AFG2A: variants seen among roughly 807,000 people sequenced by gnomAD.
AFG2A encodes ATPase family gene 2 protein homolog A.
the AFG2A span, among the ~76,000 whole-genome samples, chr4:123,304,096 C>T: frequency 6.6e-6 from 1 of 151,958 alleles, no homozygotes; most frequent in Non-Finnish European, 1.5e-5. Context: ...CTTGCTTTAC[C>T]TCTGAATTCC....
the AFG2A span, among the ~76,000 whole-genome samples, chr4:123,132,938 G>A: frequency 0.61 from 92,416 of 151,744 alleles, 32,985 homozygotes; most frequent in East Asian, 0.97. Flanking sequence ...CCACCACCAC[G>A]CCCGGCTAAT....
the AFG2A span, among the ~76,000 whole-genome samples, chr4:123,042,477 A>G: frequency 6.6e-6 from 1 of 152,196 alleles, no homozygotes; most frequent in Non-Finnish European, 1.5e-5. Flanking sequence ...GGATTTCAGC[A>G]TATGAATTTG....
At chr4:123,159,852 C>T in the AFG2A span, among the ~76,000 whole-genome samples, 1 of 152,132 alleles carries the variant, frequency 6.6e-6, no homozygotes, top group South Asian at 2.1e-4. Flanking sequence ...TTGAGACTCT[C>T]CTAGAATTTA....
At chr4:123,299,117 ATGTGTG>A in the AFG2A span, among the ~76,000 whole-genome samples, 2,012 of 147,216 alleles carry the variant, frequency 0.014, 39 homozygotes, top group African/African-American at 0.047. Flanking sequence ...GCATCTGCCA[ATGTGTG>A]TGTGTGTGTG....
At chr4:123,147,334 A>G in the AFG2A span, among the ~76,000 whole-genome samples, 1 of 152,128 alleles carries the variant, frequency 6.6e-6, no homozygotes, top group African/African-American at 2.4e-5. Flanking sequence ...CCTCTGAAGC[A>G]TCAAACAAGT....
chr4:123,102,195 C>G, the AFG2A span: 1 of 150,082 alleles, frequency 6.7e-6, no homozygotes, highest in African/African-American at 2.4e-5. Flanking sequence ...TACCACCTTC[C>G]CAGACTTTCT....
At chr4:123,208,912 T>C in the AFG2A span, among the ~76,000 whole-genome samples, 1 of 152,154 alleles carries the variant, frequency 6.6e-6, no homozygotes. Context: ...TGCTGATGAG[T>C]TGACTAGTGG....
the AFG2A span, among the ~76,000 whole-genome samples, chr4:122,940,098 G>C: frequency 2.0e-5 from 3 of 152,156 alleles, no homozygotes; most frequent in African/African-American, 7.2e-5. Flanking sequence ...ACATACGTGT[G>C]CATGTGTCTT....
At chr4:123,103,580 A>G in the AFG2A span, among the ~76,000 whole-genome samples, 1 of 152,092 alleles carries the variant, frequency 6.6e-6, no homozygotes, top group African/African-American at 2.4e-5. Flanking sequence ...ATACTGTTTC[A>G]TTTTTAAAAA....
chr4:122,976,119 G>T, the AFG2A span, among the ~76,000 whole-genome samples: 3 of 152,116 alleles, frequency 2.0e-5, no homozygotes, highest in African/African-American at 7.2e-5. Flanking sequence ...ATAGTGTTTT[G>T]AACAAGAAAG....
the AFG2A span, among the ~76,000 whole-genome samples, chr4:122,957,987 C>A: frequency 0.021 from 3,163 of 152,222 alleles, 107 homozygotes; most frequent in African/African-American, 0.07. Context: ...ACCCTATACA[C>A]CCTTGATAAA....
At chr4:123,269,271 C>T in the AFG2A span, among the ~76,000 whole-genome samples, 1 of 152,186 alleles carries the variant, frequency 6.6e-6, no homozygotes, top group Admixed American at 6.5e-5. Flanking sequence ...ATGCCTCTTC[C>T]TCCTGCCCGG....
chr4:123,024,209 C>A, the AFG2A span, among the ~76,000 whole-genome samples: 1 of 116,406 alleles, frequency 8.6e-6, no homozygotes, highest in Admixed American at 1.1e-4. Context: ...GAAAAGCGGT[C>A]ACAGATCAGA....
At chr4:123,303,345 AC>A in the AFG2A span, among the ~76,000 whole-genome samples, 1 of 152,160 alleles carries the variant, frequency 6.6e-6, no homozygotes, top group African/African-American at 2.4e-5. Flanking sequence ...ACATTGCAAG[AC>A]CCCGTCTCCT....
chr4:123,114,068 T>G, the AFG2A span, among the ~76,000 whole-genome samples: 1 of 151,870 alleles, frequency 6.6e-6, no homozygotes, highest in Non-Finnish European at 1.5e-5. Flanking sequence ...GACTCCTCTC[T>G]GATGTTGATC....
chr4:122,990,058 T>G, the AFG2A span, among the ~76,000 whole-genome samples: 2 of 151,962 alleles, frequency 1.3e-5, no homozygotes, highest in Non-Finnish European at 2.9e-5. Flanking sequence ...TAGACATGGG[T>G]TTTCTCTGTG....
chr4:123,233,205 C>CT, the AFG2A span, among the ~76,000 whole-genome samples: 1 of 151,946 alleles, frequency 6.6e-6, no homozygotes, highest in South Asian at 2.1e-4. Context: ...TTTTCAAACT[C>CT]TTTTTTAAAG....
chr4:123,222,521 TTA>T, the AFG2A span, among the ~76,000 whole-genome samples: 1 of 152,208 alleles, frequency 6.6e-6, no homozygotes, highest in Non-Finnish European at 1.5e-5. Flanking sequence ...GAAAATTTTT[TTA>T]GTTATGTTAT....
At chr4:123,115,782 C>T in the AFG2A span, among the ~76,000 whole-genome samples, 7 of 152,208 alleles carry the variant, frequency 4.6e-5, no homozygotes, top group South Asian at 1.0e-3. Context: ...TTGGATGGCC[C>T]GCTGCTGCCA....
Sources: gnomAD v4.1 joint callset for allele counts (sites outside exome capture counted in the v4.1 genomes callset) on GRCh38, gnomAD v4.1.1 for gene constraint, MANE v1.5 for transcripts, NCBI Gene and HGNC (gene_info 2026-07-23, HGNC 2026-07-21) for gene names.